Variants in MTREX observed in about 807,000 individuals in gnomAD.
The protein encoded by MTREX is Mtr4 exosome RNA helicase, also known as exosome RNA helicase MTR4.
MTREX carries 76 observed loss-of-function variants against 135.4 expected under a neutral mutation model. That is an observed-to-expected ratio of 0.56 (90% CI 0.47 to 0.68). The LOEUF (loss-of-function observed/expected upper bound fraction) is 0.68, where lower values mean the gene tolerates loss of function less well. Ranked by LOEUF, MTREX falls within the 30% of genes least tolerant of loss-of-function variation. The pLI is 0.00. For synonymous variants in MTREX, 404 were observed against 401.6 expected, an observed-to-expected ratio of 1.01 and a Z score of -0.07; for missense variants, 920 against 1,262.1, an observed-to-expected ratio of 0.73 and a Z score of 4.11.
chr5:55,323,941 A>G (rs1438466055), intron 2 of MTREX, among the ~76,000 whole-genome samples, 191 bp from the exon 3 acceptor site: 1 of 152,072 alleles, frequency 6.6e-6, no homozygotes, highest in Non-Finnish European at 1.5e-5. Flanking sequence ...TTAACTGGTC[A>G]TTTTTAATTT....
intron 1 of MTREX, among the ~76,000 whole-genome samples, chr5:55,308,799 G>T (rs1429825538): frequency 6.6e-6 from 1 of 152,176 alleles, no homozygotes; most frequent in Admixed American, 6.5e-5. Flanking sequence ...GTACAGATCT[G>T]TTTATAGTAG....
At chr5:55,404,894 C>G (rs1750778451) in intron 21 of MTREX, among the ~76,000 whole-genome samples, 1 of 151,638 alleles carries the variant, frequency 6.6e-6, no homozygotes, top group African/African-American at 2.4e-5. Context: ...ACCTCTACCT[C>G]CCGGGTTAAA....
rs145380270 is a variant in MTREX at position 55,362,595 on chromosome 5, A to G, written c.1659+3897A>G. Among the ~76,000 whole-genome samples, 59 of 152,208 alleles carry G rather than the reference A, an allele frequency of 3.9e-4. No homozygotes were observed. In the East Asian group the frequency reaches 0.01, roughly 27 times the overall value. Reference sequence around the variant, plus strand: ...AGGCTGGTCTTGAACTCCTGACCTCAGGTGATCCACCCACCTTGGCCTCCC... The same window carrying G: ...AGGCTGGTCTTGAACTCCTGACCTCGGGTGATCCACCCACCTTGGCCTCCC... On this transcript the variant is annotated intron_variant, in intron 15 of 26. Transcript: ENST00000230640.
intron 19 of MTREX, among the ~76,000 whole-genome samples, chr5:55,389,316 C>T (rs928505013): frequency 6.6e-6 from 1 of 152,190 alleles, no homozygotes; most frequent in African/African-American, 2.4e-5. Flanking sequence ...CAACATTCTC[C>T]CTTTCTCATG....
intron 4 of MTREX, among the ~76,000 whole-genome samples, chr5:55,328,050 A>C (rs1749411917): frequency 6.6e-6 from 1 of 152,198 alleles, no homozygotes; most frequent in South Asian, 2.1e-4. Flanking sequence ...TCCAGAAAAA[A>C]ATACATGTGT....
In MTREX at chr5:55,378,380, A is replaced by G; in HGVS notation, c.1877A>G (p.Tyr626Cys). 1 of 1,611,900 alleles carries G rather than the reference A, an allele frequency of 6.2e-7. No homozygotes were observed. The highest frequency in any genetic ancestry group is 8.5e-7 in the Non-Finnish European group (1 of 1,179,398). ...VIPNEESVVI[Y>C]YKIRQQLAKL... ...CCCAATGAAGAAAGTGTGGTTATCT[A>G]TTATAAGATTAGACAGCAGCTTGCC... The change falls in exon 17 of 27, where the codon TAT (tyrosine) becomes TGT (cysteine). Residue 626 changes from tyrosine (Y) to cysteine (C), a missense_variant. Tyr to Cys is a radical substitution (Grantham distance 194). This residue lies in a region of MTREX where 467 missense variants were observed against 589.7 expected (regional missense o/e 0.79). Transcript: ENST00000230640.
chr5:55,333,799 G>A (rs1307334858), intron 5 of MTREX, among the ~76,000 whole-genome samples: 3 of 152,028 alleles, frequency 2.0e-5, no homozygotes, highest in South Asian at 4.1e-4. Flanking sequence ...AATGTAATGT[G>A]TTTGTTATAA....
chr5:55,385,580 G>C (rs956435653), intron 18 of MTREX, among the ~76,000 whole-genome samples: 8 of 152,080 alleles, frequency 5.3e-5, no homozygotes, highest in African/African-American at 1.9e-4. Flanking sequence ...GGAAGGGAGT[G>C]ATCTTTTTTC....
rs543646556 is a variant in MTREX at position 55,380,750 on chromosome 5, G to A, written c.2052+1555G>A. ...ATTTTTCATGCCAGTATTCATAGGA[G>A]ATGTTGGTTTGTTGTTTTCTTGGTG... On this transcript the variant is annotated intron_variant, in intron 18 of 26. Coordinates refer to ENST00000230640, the MANE Select transcript of MTREX (RefSeq NM_015360.5). Among the ~76,000 whole-genome samples the A allele has an allele frequency of 1.1e-3, 160 of 152,282 alleles. 1 individual carries two copies. The highest frequency in any genetic ancestry group is 3.7e-3 in the African/African-American group (154 of 41,560).
At chr5:55,423,058 C>A in intron 26 of MTREX, 76 bp downstream of exon 26, 3 of 1,060,732 alleles carry the variant, frequency 2.8e-6, no homozygotes, top group Non-Finnish European at 4.3e-6. Context: ...GGACCACAAC[C>A]TAGGAGGACG....
chr5:55,386,446 AGAGT>A (rs1750483384), intron 18 of MTREX, among the ~76,000 whole-genome samples: 1 of 152,194 alleles, frequency 6.6e-6, no homozygotes, highest in Non-Finnish European at 1.5e-5. Context: ...GTGCAAAACT[AGAGT>A]AAGTTAGCTG....
intron 1 of MTREX, among the ~76,000 whole-genome samples, chr5:55,308,500 G>GA (rs1203067797): frequency 6.6e-6 from 1 of 152,048 alleles, no homozygotes; most frequent in South Asian, 2.1e-4. Context: ...AAAAGGTTTA[G>GA]AAAAAATGAT....
Position 55,328,610 on chromosome 5 carries a change from T to TG in MTREX, c.403-83dup, listed in dbSNP as rs1749419642. 5.0e-6 allele frequency: 4 copies of TG among 807,546 alleles called. No individual in the cohort carries two copies. The Admixed American group carries it at 8.1e-5, about 16-fold the overall frequency. The allele number at this position is 807,546 out of a possible 1,614,324, so 50.0% of individuals were successfully genotyped here. ...ATAAAGGAATACTCCCAGAATGCTT[T>TG]GGGGGGTAGCCTGCTTGTGTTTTGA... On this transcript the variant is annotated intron_variant, in intron 4 of 26. Coordinates refer to ENST00000230640, the MANE Select transcript of MTREX (RefSeq NM_015360.5).
chr5:55,391,209 G>A (rs1750560408), intron 19 of MTREX, among the ~76,000 whole-genome samples: 1 of 152,120 alleles, frequency 6.6e-6, no homozygotes, highest in African/African-American at 2.4e-5. Context: ...GGGAGACTGA[G>A]GTGGGAGGAT....
At chr5:55,339,718 G>T (rs1348751743) in intron 5 of MTREX, among the ~76,000 whole-genome samples, 1 of 152,178 alleles carries the variant, frequency 6.6e-6, no homozygotes, top group African/African-American at 2.4e-5. Flanking sequence ...TTGGAAGCCC[G>T]TCTTAGAACC....
chr5:55,401,660 T>C (rs230788), intron 21 of MTREX, among the ~76,000 whole-genome samples: 130,889 of 152,208 alleles, frequency 0.86, 56,668 homozygotes, highest in South Asian at 0.92. Context: ...TGTGTTATTG[T>C]CTGTGGTTTT....
chr5:55,425,448 T>G lies in MTREX; in HGVS notation c.*676T>G. On this transcript the variant is annotated 3_prime_UTR_variant, in exon 27 of 27. Coordinates refer to ENST00000230640, the MANE Select transcript of MTREX (RefSeq NM_015360.5). ...AAACAAAAGGATATACTTTGAGGTG[T>G]ACAGATTAAGCATATAAAAAATTAG... 9 of 995,162 alleles carry G rather than the reference T, an allele frequency of 9.0e-6. No homozygotes were observed. The highest frequency in any genetic ancestry group is 1.3e-5 in the Non-Finnish European group (9 of 696,656). 61.6% of individuals were successfully genotyped at this position (995,162 alleles called of 1,614,324 possible). A position where few individuals can be genotyped will look rare whatever the true frequency, so the allele number is the denominator to read the frequency against.
At position 55,411,914 on chromosome 5, in the gene MTREX, A is replaced by C. The variant is rs190516096; in HGVS notation, c.2751+1285A>C. ...GATAAGTGGTCTTCCACCCATGTCA[A>C]ATTTTGTCTTACTTTTCATTATTTG... On this transcript the variant is annotated intron_variant, in intron 23 of 26. Transcript: ENST00000230640. Among the ~76,000 whole-genome samples the C allele has an allele frequency of 6.2e-4, 94 of 152,244 alleles. No individual in the cohort carries two copies. In the East Asian group the frequency reaches 0.016, roughly 25 times the overall value.
At chr5:55,401,412 T>A (rs1260241927) in intron 21 of MTREX, among the ~76,000 whole-genome samples, 2 of 152,216 alleles carry the variant, frequency 1.3e-5, no homozygotes, top group Non-Finnish European at 2.9e-5. Context: ...GGACATTTGT[T>A]TTTTTCTAAC....
Sources: allele counts gnomAD v4.1 joint callset (sites outside exome capture counted in the v4.1 genomes callset), GRCh38; gene constraint gnomAD v4.1.1; regional missense constraint gnomAD v4.1.1; transcripts MANE v1.5; gene names NCBI Gene and HGNC (gene_info 2026-07-23, HGNC 2026-07-21).